The following KIAA1210 variants were observed in gnomAD, a reference collection of about 807,000 sequenced individuals.
The protein encoded by KIAA1210 is acrosomal protein KIAA1210.
Under a neutral mutation model 78.9 loss-of-function variants are expected in KIAA1210, and 48 were observed. The observed-to-expected ratio is 0.61, with a 90% CI of 0.48 to 0.77. The LOEUF is 0.77. KIAA1210 is among the 30% of genes least tolerant of loss of function. The probability of loss-of-function intolerance (pLI) is 0.00; values close to 1 mark genes in which losing one functional copy is unlikely to be tolerated. For missense variants in KIAA1210, 1,108 were observed against 1,100.0 expected, an observed-to-expected ratio of 1.01 and a Z score of -0.10; for synonymous variants, 406 against 404.5, an observed-to-expected ratio of 1.00 and a Z score of -0.04.
chrX:119,081,530 A>C, intron 11 of KIAA1210, 26 bp from the exon 12 acceptor site: 1 of 1,179,427 alleles, frequency 8.5e-7, no homozygotes, highest in Non-Finnish European at 1.1e-6. Context: ...ATAACACACA[A>C]GCAATAAGGA....
In KIAA1210 at chrX:119,086,870, C is replaced by T; in HGVS notation, c.3832G>A (p.Glu1278Lys). The T allele has an allele frequency of 8.3e-7, 1 of 1,211,506 alleles. No homozygotes were observed. The highest frequency in any genetic ancestry group is 1.1e-6 in the Non-Finnish European group (1 of 895,301). ...GGIYSKKEDL[E>K]SGDGNNNQHA... ...TGGTTATTATTACCATCACCACTCT[C>T]AAGATCTTCTTTCTTAGAGTAAATG... The change falls in exon 9 of 12, where the codon GAG (glutamate) becomes AAG (lysine). Residue 1278 changes from glutamate to lysine, a missense_variant. Glu to Lys is a moderately conservative substitution (Grantham distance 56). This residue lies in a region of KIAA1210 where 245 missense variants were observed against 278.8 expected (regional missense o/e 0.88). Coordinates refer to ENST00000691062, the MANE Select transcript of KIAA1210 (RefSeq NM_001394962.1).
chrX:119,093,915 C>T, intron 7 of KIAA1210, 140 bp from the exon 8 acceptor site: 1 of 895,646 alleles, frequency 1.1e-6, no homozygotes, highest in Non-Finnish European at 1.6e-6. Context: ...GACGTTATTT[C>T]AATGGAGATA....
At position 119,143,994 on chromosome X, in the gene KIAA1210, G is replaced by A. The variant is rs746332365; in HGVS notation, c.410+3479C>T. ...TATATGGTACCAAAATATTTTCCAC[G>A]TGTGTACATATGTATCTGTCAGTCC... On this transcript the variant is annotated intron_variant, in intron 2 of 13. Transcript: ENST00000402510. Among the ~76,000 whole-genome samples, 8 of 112,403 alleles carry A rather than the reference G, an allele frequency of 7.1e-5. No individual in the cohort carries two copies. In the East Asian group the frequency reaches 8.4e-4, roughly 12 times the overall value.
intron 2 of KIAA1210, among the ~76,000 whole-genome samples, chrX:119,118,118 G>A (rs1237455574): frequency 8.9e-6 from 1 of 111,940 alleles, no homozygotes; most frequent in Non-Finnish European, 1.9e-5. Context: ...CAGCAATTCT[G>A]TGCTGGCAAT....
chrX:119,149,520 G>A (rs1020372311), intron 1 of KIAA1210, among the ~76,000 whole-genome samples: 2 of 111,436 alleles, frequency 1.8e-5, no homozygotes, highest in African/African-American at 6.5e-5. Context: ...GTGATTCCAA[G>A]TTGGAATAGT....
intron 2 of KIAA1210, among the ~76,000 whole-genome samples, chrX:119,135,947 G>A (rs1444750640): frequency 9.0e-6 from 1 of 110,792 alleles, no homozygotes; most frequent in Non-Finnish European, 1.9e-5. Context: ...CCAGCTACTC[G>A]GGAGGCTGAG....
intron 2 of KIAA1210, 148 bp from the exon 3 acceptor site, chrX:119,116,812 CT>C: frequency 2.1e-6 from 1 of 465,491 alleles, no homozygotes; most frequent in Non-Finnish European, 3.6e-6. Context: ...TGACAGCACC[CT>C]TCAACATTCA....
intron 6 of KIAA1210, among the ~76,000 whole-genome samples, chrX:119,101,081 G>A (rs1300933404): frequency 8.9e-6 from 1 of 112,303 alleles, no homozygotes; most frequent in Non-Finnish European, 1.9e-5. Flanking sequence ...CTCTTTTGCT[G>A]TTAGCTGGGA....
chrX:119,124,081 C>G (rs1289660543), intron 1 of KIAA1210, among the ~76,000 whole-genome samples: 1 of 111,937 alleles, frequency 8.9e-6, no homozygotes, highest in Non-Finnish European at 1.9e-5. Flanking sequence ...ACTGCAGCCT[C>G]AACCTCCCAG....
At chrX:119,121,394 G>T (rs1396155509) in intron 2 of KIAA1210, among the ~76,000 whole-genome samples, 1 of 111,740 alleles carries the variant, frequency 8.9e-6, no homozygotes, top group Non-Finnish European at 1.9e-5. Flanking sequence ...TACAGCAGTT[G>T]CAGTCAGTGA....
upstream of KIAA1210, among the ~76,000 whole-genome samples, chrX:119,129,293 C>T (rs1383380036): frequency 9.1e-6 from 1 of 110,470 alleles, no homozygotes; most frequent in African/African-American, 3.3e-5. Flanking sequence ...TCAATAAAAT[C>T]CACCTTTGTG....
upstream of KIAA1210, among the ~76,000 whole-genome samples, chrX:119,130,672 A>G (rs1356341066): frequency 8.9e-6 from 1 of 112,358 alleles, no homozygotes; most frequent in Non-Finnish European, 1.9e-5. Flanking sequence ...CTTTCAGTAA[A>G]AGACCCTTCT....
chrX:119,120,700 C>T (rs1928427125), intron 2 of KIAA1210, among the ~76,000 whole-genome samples: 1 of 111,912 alleles, frequency 8.9e-6, no homozygotes, highest in South Asian at 3.8e-4. Flanking sequence ...ACTTATTTTC[C>T]CGCAAAGATT....
intron 3 of KIAA1210, among the ~76,000 whole-genome samples, chrX:119,112,932 G>A (rs191685372): frequency 8.0e-5 from 9 of 112,130 alleles, no homozygotes; most frequent in Admixed American, 4.7e-4. Flanking sequence ...GCCAAAAGGT[G>A]GAAACAACCC....
Position 119,078,714 on chromosome X carries a change from C to G in KIAA1210, c.*2615G>C, listed in dbSNP as rs1280537870. 3 of 112,678 alleles carry G rather than the reference C, an allele frequency of 2.7e-5. No individual in the cohort carries two copies. Among genetic ancestry groups the G allele is most frequent in the African/African-American group, 9.7e-5 (3 of 31,061 alleles). 9.3% of individuals were successfully genotyped at this position (112,678 alleles called of 1,213,427 possible). A position where few individuals can be genotyped will look rare whatever the true frequency, so the allele number is the denominator to read the frequency against. ...GAAGTAGAAAAGTTGTCAGAATATGCCTTTAGGCATTTAAAAAGAACTTAA... is the reference window on the plus strand; with the variant it reads ...GAAGTAGAAAAGTTGTCAGAATATGGCTTTAGGCATTTAAAAAGAACTTAA... On this transcript the variant is annotated 3_prime_UTR_variant, in exon 12 of 12. Coordinates refer to ENST00000691062, the MANE Select transcript of KIAA1210 (RefSeq NM_001394962.1).
At chrX:119,137,212 A>T (rs1183806236) in intron 2 of KIAA1210, among the ~76,000 whole-genome samples, 2 of 112,389 alleles carry the variant, frequency 1.8e-5, no homozygotes, top group African/African-American at 6.5e-5. Flanking sequence ...AGTTATTTTC[A>T]CTTCTCTCCC....
chrX:119,145,948 G>T (rs1315971028), intron 2 of KIAA1210, among the ~76,000 whole-genome samples: 1 of 111,918 alleles, frequency 8.9e-6, no homozygotes, highest in Non-Finnish European at 1.9e-5. Flanking sequence ...CTATAACTAT[G>T]GAATTGTGAA....
intron 2 of KIAA1210, among the ~76,000 whole-genome samples, chrX:119,133,459 C>T (rs1603272098): frequency 9.0e-6 from 1 of 111,329 alleles, no homozygotes; most frequent in African/African-American, 3.3e-5. Context: ...GATACAACTA[C>T]GTCCATGCAC....
chrX:119,106,593 G>T lies in KIAA1210; in HGVS notation c.493-1446C>A, dbSNP rs151060911. 3.2e-3 allele frequency among the ~76,000 whole-genome samples: 355 copies of T among 112,336 alleles called. 1 individual carries two copies. The highest frequency in any genetic ancestry group is 0.011 in the African/African-American group (337 of 30,965). The stretch of plus-strand genomic sequence containing the variant: ...TTAAGAAGGGCTGAGGGACAGTCAA[G>T]CCCGTGAGCAGTAAGAAAAACTGTT... On this transcript the variant is annotated intron_variant, in intron 5 of 11. Transcript: ENST00000691062.
Sources: gnomAD v4.1 joint callset for allele counts (sites outside exome capture counted in the v4.1 genomes callset) on GRCh38, gnomAD v4.1.1 for gene constraint, gnomAD v4.1.1 regional missense constraint, MANE v1.5 for transcripts, NCBI Gene and HGNC (gene_info 2026-07-23, HGNC 2026-07-21) for gene names.